SYAP1: variants seen among roughly 807,000 people sequenced by gnomAD.
SYAP1 encodes synapse associated protein 1, also known as synapse-associated protein 1.
Under a neutral mutation model 29.6 loss-of-function variants are expected in SYAP1, and 3 were observed. The ratio of observed to expected loss-of-function variants is 0.10; its 90% CI spans 0.05 to 0.26. SYAP1 has a LOEUF of 0.26. SYAP1 is among the 10% of genes least tolerant of loss of function. The probability of loss-of-function intolerance (pLI) is 1.00; values close to 1 mark genes in which losing one functional copy is unlikely to be tolerated. For synonymous variants in SYAP1, 102 were observed against 102.7 expected, an observed-to-expected ratio of 0.99 and a Z score of 0.04; for missense variants, 217 against 264.1, an observed-to-expected ratio of 0.82 and a Z score of 1.24.
intron 3 of SYAP1, among the ~76,000 whole-genome samples, chrX:16,736,895 T>C (rs921863700): frequency 4.5e-5 from 5 of 111,617 alleles, no homozygotes; most frequent in Admixed American, 9.6e-5. Context: ...GTTCCTGCTG[T>C]CTTCAGGAGA....
intron 1 of SYAP1, among the ~76,000 whole-genome samples, chrX:16,733,553 A>G (rs1232757716): frequency 2.7e-5 from 3 of 111,608 alleles, no homozygotes; most frequent in African/African-American, 9.8e-5. Flanking sequence ...GAGGATGTCA[A>G]TTGCCTGGGA....
At chrX:16,732,654 G>A (rs1056768647) in intron 1 of SYAP1, among the ~76,000 whole-genome samples, 7 of 111,952 alleles carry the variant, frequency 6.3e-5, no homozygotes, top group African/African-American at 2.3e-4. Flanking sequence ...AGTGAGACCT[G>A]GCCTGCAACA....
At chrX:16,732,889 G>C (rs1926239996) in intron 1 of SYAP1, among the ~76,000 whole-genome samples, 1 of 112,366 alleles carries the variant, frequency 8.9e-6, no homozygotes, top group South Asian at 3.6e-4. Context: ...CTCAGCATGG[G>C]CTTTCAGTCT....
intron 3 of SYAP1, among the ~76,000 whole-genome samples, chrX:16,737,533 A>G (rs1393828811): frequency 8.9e-6 from 1 of 112,158 alleles, no homozygotes; most frequent in Non-Finnish European, 1.9e-5. Context: ...AGCATCACTT[A>G]GTGATTATTT....
rs781067495 is a variant in SYAP1 at position 16,738,320 on chromosome X, C to T, written c.361+2088C>T. 3.6e-5 allele frequency among the ~76,000 whole-genome samples: 4 copies of T among 111,699 alleles called. No homozygotes were observed. The East Asian group carries it at 8.4e-4, about 24-fold the overall frequency. On this transcript the variant is annotated intron_variant, in intron 3 of 8. Coordinates refer to ENST00000380155, the MANE Select transcript of SYAP1 (RefSeq NM_032796.4). ...ATCCCAGCTGTCTGGGTGGCTGAGG[C>T]GCAAGAATTGCTTGAACCTGGGAGG...
In SYAP1 at chrX:16,756,705, A is replaced by G. The variant is rs760562947; in HGVS notation, c.767A>G (p.Gln256Arg). 10 of 1,207,335 alleles carry G rather than the reference A, an allele frequency of 8.3e-6. No homozygotes were observed. In the South Asian group the frequency reaches 1.8e-4, roughly 21 times the overall value. ...ACGCCACCCGTTGTAATCAAATCTC[A>G]GCTTAAAACTCAAGAGGTAATCCAG... ...PKTPPVVIKS[Q>R]LKTQEDEEEI... The change falls in exon 7 of 9, where the codon CAG becomes CGG. Residue 256 changes from glutamine (Q) to arginine (R), a missense_variant. Physicochemically the swap from Gln to Arg is conservative, Grantham distance 43 (BLOSUM62 1). Transcript: ENST00000380155.
rs1437789299 is a variant in SYAP1 at position 16,735,360 on chromosome X, CT to C, written c.294+19del. 1 of 1,009,184 alleles carries C rather than the reference CT, an allele frequency of 9.9e-7. No homozygotes were observed. The highest frequency in any genetic ancestry group is 1.4e-6 in the Non-Finnish European group (1 of 731,704). The allele number at this position is 1,009,184 out of a possible 1,213,427, so 83.2% of individuals were successfully genotyped here. A position where few individuals can be genotyped will look rare whatever the true frequency, so the allele number is the denominator to read the frequency against. Reference sequence around the variant, plus strand: ...TCATTGACAAGGTATATTCAATTATCTTTTGGAAGTAGAAATGTATGAAATT... The same window carrying C: ...TCATTGACAAGGTATATTCAATTATCTTTGGAAGTAGAAATGTATGAAATT... On this transcript the variant is annotated intron_variant, in intron 2 of 8. Coordinates refer to ENST00000380155, the MANE Select transcript of SYAP1 (RefSeq NM_032796.4).
At chrX:16,744,098 A>T (rs1272634816) in intron 5 of SYAP1, among the ~76,000 whole-genome samples, 1 of 112,230 alleles carries the variant, frequency 8.9e-6, no homozygotes, top group Non-Finnish European at 1.9e-5. Flanking sequence ...AACCACAAAC[A>T]TGCTGCATCA....
At chrX:16,734,248 G>C (rs758927631) in intron 1 of SYAP1, among the ~76,000 whole-genome samples, 33 of 108,570 alleles carry the variant, frequency 3.0e-4, no homozygotes, top group Admixed American at 7.0e-4. Flanking sequence ...GTGTGGTGGC[G>C]GGCGCCTGTA....
chrX:16,757,798 G>T (rs903522156), intron 8 of SYAP1, among the ~76,000 whole-genome samples: 5 of 106,353 alleles, frequency 4.7e-5, no homozygotes, highest in African/African-American at 1.7e-4. Context: ...CAGCTACTCG[G>T]GAGGAAGCTG....
intron 5 of SYAP1, among the ~76,000 whole-genome samples, chrX:16,746,980 A>G (rs1044010760): frequency 8.9e-6 from 1 of 111,984 alleles, no homozygotes; most frequent in Non-Finnish European, 1.9e-5. Context: ...AAAAAGTATT[A>G]TTTTTTAGAG....
intron 4 of SYAP1, 134 bp downstream of exon 4, chrX:16,741,923 TA>T: frequency 2.2e-6 from 1 of 455,951 alleles, no homozygotes; most frequent in Non-Finnish European, 3.8e-6. Context: ...ATGTACACAT[TA>T]ACACATGATG....
In SYAP1 at chrX:16,751,647, G is replaced by A. The variant is rs1027951198; in HGVS notation, c.576-3298G>A. Reference sequence around the variant, plus strand: ...TGGGTGTGTACATGTTTGTGTGCATGTATATGTGCTTTTTTAATGCTTTTT... The same window carrying A: ...TGGGTGTGTACATGTTTGTGTGCATATATATGTGCTTTTTTAATGCTTTTT... On this transcript the variant is annotated intron_variant, in intron 5 of 8. Transcript: ENST00000380155. Among the ~76,000 whole-genome samples, 3 of 107,374 alleles carry A rather than the reference G, an allele frequency of 2.8e-5. No homozygotes were observed. The East Asian group carries it at 8.8e-4, about 31-fold the overall frequency. 93.2% of individuals were successfully genotyped at this position (107,374 alleles called of 115,157 possible).
intron 1 of SYAP1, 97 bp downstream of exon 1, chrX:16,719,996 G>A: frequency 2.3e-6 from 2 of 880,887 alleles, no homozygotes; most frequent in Non-Finnish European, 3.1e-6. Context: ...GGGATGAGGG[G>A]GCCGAGGTGG....
intron 5 of SYAP1, among the ~76,000 whole-genome samples, chrX:16,748,749 CTTTTTTTTTTCT>C (rs1333856633): frequency 7.3e-5 from 7 of 95,285 alleles, no homozygotes; most frequent in South Asian, 5.3e-4. Context: ...TAATTTTTTT[CTTTTTTTTTTCT>C]TTTTTTTTTT....
intron 1 of SYAP1, among the ~76,000 whole-genome samples, chrX:16,721,604 T>G (rs1925962576): frequency 8.9e-6 from 1 of 112,015 alleles, no homozygotes; most frequent in Non-Finnish European, 1.9e-5. Flanking sequence ...CTCGGCTCAT[T>G]GCAACCTCCA....
At chrX:16,756,234 AAAGTACAGAACTATTCTTCAATG>A (rs1926839128) in intron 6 of SYAP1, among the ~76,000 whole-genome samples, 1 of 112,347 alleles carries the variant, frequency 8.9e-6, no homozygotes, top group African/African-American at 3.2e-5. Flanking sequence ...TTATTCTAAA[AAAGTACAGAACTATTCTTCAATG>A]AATTTTGCTA....
intron 5 of SYAP1, 74 bp from the exon 6 acceptor site, chrX:16,754,871 T>C: frequency 9.4e-7 from 1 of 1,061,320 alleles, no homozygotes; most frequent in Non-Finnish European, 1.3e-6. Context: ...CTCAAATGTG[T>C]TCTTGTCTGT....
intron 8 of SYAP1, 69 bp downstream of exon 8, chrX:16,757,378 A>G (rs1926866192): frequency 9.1e-7 from 1 of 1,096,595 alleles, no homozygotes; most frequent in South Asian, 2.2e-5. Flanking sequence ...ATTGTAGAAA[A>G]TTGTTATTCT....
Sources: allele counts gnomAD v4.1 joint callset (sites outside exome capture counted in the v4.1 genomes callset), GRCh38; gene constraint gnomAD v4.1.1; transcripts MANE v1.5; gene names NCBI Gene and HGNC (gene_info 2026-07-23, HGNC 2026-07-21).